The following ASH1L variants were observed in gnomAD, a reference collection of about 807,000 sequenced individuals.
ASH1L encodes the protein ASH1 like histone lysine methyltransferase.
A neutral mutation model predicts 269.0 loss-of-function variants in ASH1L; 23 were observed. The ratio of observed to expected loss-of-function variants is 0.09; its 90% CI spans 0.06 to 0.12. The LOEUF is 0.12. ASH1L is among the 10% of genes least tolerant of loss of function. The pLI, the probability that ASH1L is intolerant of heterozygous loss-of-function variation, is 1.00. For missense variants in ASH1L, 2,912 were observed against 3,567.8 expected (o/e 0.82, Z 4.68); for synonymous variants, 1,187 against 1,253.5 (o/e 0.95, Z 1.12).
chr1:155,343,523 C>G lies in ASH1L; in HGVS notation c.8121-37G>C. 2.5e-6 allele frequency: 4 copies of G among 1,611,994 alleles called. No individual in the cohort carries two copies. The highest frequency in any genetic ancestry group is 3.4e-6 in the Non-Finnish European group (4 of 1,178,702). ...GAAAAGTGAGAAGGGAGAGGTTTAG[C>G]TGATTAGCAAGATCCTAGTGAACAT... On this transcript the variant is annotated intron_variant, in intron 23 of 27. Transcript: ENST00000392403. The surrounding 1 kb of genome is among the most constrained non-coding windows in gnomAD (Gnocchi z 6.1).
intron 17 of ASH1L, among the ~76,000 whole-genome samples, chr1:155,350,984 TC>T (rs1462542808): frequency 6.7e-6 from 1 of 149,480 alleles, no homozygotes; most frequent in Non-Finnish European, 1.5e-5. Flanking sequence ...ACGCCTATAA[TC>T]CCAGCACTTT....
chr1:155,414,292 T>C (rs1042115905), intron 6 of ASH1L, among the ~76,000 whole-genome samples: 3 of 152,060 alleles, frequency 2.0e-5, no homozygotes, highest in Non-Finnish European at 2.9e-5. Flanking sequence ...TTATTTCCTA[T>C]AGCAAAATAG....
At chr1:155,520,359 CAAAAAAAAAAAAAAA>C (rs57127431) in intron 2 of ASH1L, 2 of 24,234 alleles carry the variant, frequency 8.3e-5, no homozygotes, top group Admixed American at 5.4e-4. Context: ...GACTCCATCT[CAAAAAAAAAAAAAAA>C]AAAAAAAAAA....
intron 7 of ASH1L, among the ~76,000 whole-genome samples, chr1:155,383,981 G>A (rs1320359978): frequency 6.6e-6 from 1 of 152,126 alleles, no homozygotes; most frequent in African/African-American, 2.4e-5. Context: ...AAAAACTATA[G>A]TCTATTTTAA....
Position 155,562,145 on chromosome 1 carries a change from C to A in ASH1L, c.-100+8G>T, listed in dbSNP as rs771038399. 4.2e-5 allele frequency: 65 copies of A among 1,539,218 alleles called. No homozygotes were observed. The highest frequency in any genetic ancestry group is 3.4e-4 in the Middle Eastern group (2 of 5,886). Reference sequence around the variant, plus strand: ...GGCCCGAATGCCGGCCCAAATCGTTCTACTCACCGTGTCGGAGGCCGAGGC... The same window carrying A: ...GGCCCGAATGCCGGCCCAAATCGTTATACTCACCGTGTCGGAGGCCGAGGC... On this transcript the variant is annotated splice_region_variant and intron_variant, in intron 1 of 27. Coordinates refer to ENST00000392403, the MANE Select transcript of ASH1L (RefSeq NM_018489.3).
At chr1:155,370,738 C>T (rs2148415258) in intron 11 of ASH1L, 39 bp downstream of exon 11, 1 of 1,613,318 alleles carries the variant, frequency 6.2e-7, no homozygotes, top group African/African-American at 1.3e-5. Context: ...AATCTTATAC[C>T]TTGGCATTTT....
chr1:155,522,639 A>C (rs567302433), intron 1 of ASH1L, among the ~76,000 whole-genome samples: 1 of 152,154 alleles, frequency 6.6e-6, no homozygotes, highest in Admixed American at 6.6e-5. Context: ...AAATATAAAG[A>C]TCCTCAGGAA....
At chr1:155,553,799 G>A (rs1671380022) in intron 1 of ASH1L, among the ~76,000 whole-genome samples, 1 of 151,202 alleles carries the variant, frequency 6.6e-6, no homozygotes, top group Non-Finnish European at 1.5e-5. Context: ...CCTCCTATTA[G>A]AATTTTTTTT....
chr1:155,488,616 C>T (rs1666505882), intron 2 of ASH1L, among the ~76,000 whole-genome samples: 1 of 136,108 alleles, frequency 7.3e-6, no homozygotes, highest in Non-Finnish European at 1.5e-5. Context: ...ATGCAGTGAG[C>T]CGAGATCACA....
At chr1:155,366,863 G>A (rs1655471304) in intron 12 of ASH1L, among the ~76,000 whole-genome samples, 1 of 151,778 alleles carries the variant, frequency 6.6e-6, no homozygotes, top group Admixed American at 6.6e-5. Context: ...GTAGAGACAG[G>A]GTTTCAGTCA....
chr1:155,444,116 T>G (rs1280728915), intron 4 of ASH1L, among the ~76,000 whole-genome samples: 1 of 151,646 alleles, frequency 6.6e-6, no homozygotes, highest in Non-Finnish European at 1.5e-5. Flanking sequence ...CCCGAGTAGC[T>G]GGGACTACAG....
intron 7 of ASH1L, among the ~76,000 whole-genome samples, chr1:155,390,641 C>CA (rs1657842177): frequency 7.2e-6 from 1 of 137,952 alleles, no homozygotes; most frequent in Admixed American, 7.1e-5. Flanking sequence ...CTCCCCCCCC[C>CA]CCCTTTTTTC....
chr1:155,388,732 T>C (rs1466971250), intron 7 of ASH1L, among the ~76,000 whole-genome samples: 6 of 142,432 alleles, frequency 4.2e-5, no homozygotes, highest in African/African-American at 5.1e-5. Context: ...TTTTTTTTTT[T>C]CATAGAAAAC....
At chr1:155,422,237 A>C (rs1277150045) in intron 5 of ASH1L, among the ~76,000 whole-genome samples, 1 of 151,164 alleles carries the variant, frequency 6.6e-6, no homozygotes, top group African/African-American at 2.4e-5. Flanking sequence ...CCTGGGTTCA[A>C]GCGATTCTCC....
At chr1:155,492,033 C>CTTTTTTTT (rs747132753) in intron 2 of ASH1L, among the ~76,000 whole-genome samples, 1 of 111,942 alleles carries the variant, frequency 8.9e-6, no homozygotes, top group Non-Finnish European at 1.8e-5. Context: ...GTTTTGTTTA[C>CTTTTTTTT]TTTTTTTTTT....
chr1:155,347,975 G>A (rs534270837), intron 19 of ASH1L, 71 bp from the exon 20 acceptor site: 30 of 1,585,314 alleles, frequency 1.9e-5, no homozygotes, highest in Non-Finnish European at 2.6e-5. Flanking sequence ...TAAAGAGGTA[G>A]CAAGGTAGCA....
chr1:155,391,870 C>T lies in ASH1L; in HGVS notation c.6103+3589G>A, dbSNP rs1657955156. On this transcript the variant is annotated intron_variant, in intron 7 of 27. Transcript: ENST00000392403. ...ACTTGGGAGGCTGAAGTGGGAGAATCACTTGAGCCTAGGAGGTAGAGGCTG... is the reference window on the plus strand; with the variant it reads ...ACTTGGGAGGCTGAAGTGGGAGAATTACTTGAGCCTAGGAGGTAGAGGCTG... Among the ~76,000 whole-genome samples the T allele has an allele frequency of 5.3e-5, 8 of 152,156 alleles. No homozygotes were observed. The South Asian group carries it at 1.7e-3, about 32-fold the overall frequency.
intron 5 of ASH1L, among the ~76,000 whole-genome samples, chr1:155,423,754 G>A (rs114796823): frequency 0.021 from 3,119 of 152,030 alleles, 105 homozygotes; most frequent in African/African-American, 0.072. Context: ...CTTTTGAGAC[G>A]GAGTCTCAGT....
At chr1:155,406,916 T>TG (rs1340822472) in intron 6 of ASH1L, among the ~76,000 whole-genome samples, 2 of 151,812 alleles carry the variant, frequency 1.3e-5, no homozygotes, top group African/African-American at 2.4e-5. Flanking sequence ...TGATAGAAAA[T>TG]GGGGAAACAC....
Sources: allele counts gnomAD v4.1 joint callset (sites outside exome capture counted in the v4.1 genomes callset), GRCh38; gene constraint gnomAD v4.1.1; non-coding constraint Gnocchi (gnomAD v3.1); transcripts MANE v1.5; gene names NCBI Gene and HGNC (gene_info 2026-07-23, HGNC 2026-07-21).